The following FOXO1 variants were observed in gnomAD, a reference collection of about 807,000 sequenced individuals.
FOXO1 encodes forkhead box O1.
Under a neutral mutation model 44.1 loss-of-function variants are expected in FOXO1, and 6 were observed. The observed-to-expected ratio is 0.14, with a 90% CI of 0.07 to 0.27. FOXO1 has a LOEUF of 0.27. FOXO1 is among the 10% of genes least tolerant of loss of function. The probability of loss-of-function intolerance (pLI) is 1.00; values close to 1 mark genes in which losing one functional copy is unlikely to be tolerated. For missense variants in FOXO1, 737 were observed against 888.8 expected (o/e 0.83, Z 2.17); for synonymous variants, 380 against 362.7 (o/e 1.05, Z -0.54).
intron 1 of FOXO1, among the ~76,000 whole-genome samples, chr13:40,629,793 C>T (rs1486811811): frequency 6.6e-6 from 1 of 152,136 alleles, no homozygotes; most frequent in East Asian, 1.9e-4. Context: ...TTGTGGGCTT[C>T]GGCTAAAACC....
At chr13:40,635,241 T>C (rs1877107566) in intron 1 of FOXO1, among the ~76,000 whole-genome samples, 1 of 152,204 alleles carries the variant, frequency 6.6e-6, no homozygotes, top group African/African-American at 2.4e-5. Flanking sequence ...ATTCACTGTT[T>C]ATTCCTCCTA....
chr13:40,602,127 C>G (rs1014959242), intron 1 of FOXO1, among the ~76,000 whole-genome samples: 1 of 152,116 alleles, frequency 6.6e-6, no homozygotes, highest in Non-Finnish European at 1.5e-5. Flanking sequence ...TAGTTTTTTA[C>G]TAACTACAAA....
chr13:40,585,343 G>GCGCGCGCGCACA (rs10623475), intron 1 of FOXO1, among the ~76,000 whole-genome samples: 35 of 147,020 alleles, frequency 2.4e-4, no homozygotes, highest in African/African-American at 7.1e-4. Flanking sequence ...CTGCGCGCGC[G>GCGCGCGCGCACA]CACACACACA....
At chr13:40,615,263 G>C (rs956680320) in intron 1 of FOXO1, among the ~76,000 whole-genome samples, 1 of 152,166 alleles carries the variant, frequency 6.6e-6, no homozygotes, top group African/African-American at 2.4e-5. Context: ...GGGGCCAGAC[G>C]CAGTGGCTCA....
chr13:40,566,592 C>T (rs1031067193), intron 1 of FOXO1, among the ~76,000 whole-genome samples: 3 of 152,046 alleles, frequency 2.0e-5, no homozygotes, highest in South Asian at 4.1e-4. Flanking sequence ...GTTGGCCAGG[C>T]TGGTCTCGAA....
chr13:40,618,871 G>A (rs73467022), intron 1 of FOXO1: 140 of 527,244 alleles, frequency 2.7e-4, no homozygotes, highest in African/African-American at 2.6e-3. Flanking sequence ...ACTCGATGAA[G>A]ATTATCGGCT....
chr13:40,578,724 T>C (rs775201259), intron 1 of FOXO1, among the ~76,000 whole-genome samples: 1 of 152,256 alleles, frequency 6.6e-6, no homozygotes. Flanking sequence ...TGGGACACTC[T>C]GGCCACACAG....
At chr13:40,577,843 G>C (rs924811164) in intron 1 of FOXO1, among the ~76,000 whole-genome samples, 1 of 152,180 alleles carries the variant, frequency 6.6e-6, no homozygotes, top group African/African-American at 2.4e-5. Flanking sequence ...GATAGATCAA[G>C]GGTGATATCC....
In FOXO1 at chr13:40,617,049, A is replaced by G. The variant is rs552439212; in HGVS notation, c.630+48534T>C. Among the ~76,000 whole-genome samples, 24 of 152,350 alleles carry G rather than the reference A, an allele frequency of 1.6e-4. No homozygotes were observed. In the South Asian group the frequency reaches 5.0e-3, roughly 32 times the overall value. On this transcript the variant is annotated intron_variant, in intron 1 of 2. Transcript: ENST00000379561. ...ACTCGAAATAGAAATAACTGAACAG[A>G]TATGTTTAAATACGATACCAAAGTA...
At chr13:40,622,412 T>G (rs1651660831) in intron 1 of FOXO1, among the ~76,000 whole-genome samples, 4 of 152,186 alleles carry the variant, frequency 2.6e-5, no homozygotes, top group Admixed American at 2.6e-4. Flanking sequence ...AATCTCAGAT[T>G]TCACAACTGT....
chr13:40,620,798 G>GATTTTTTT (rs762814974), intron 1 of FOXO1, among the ~76,000 whole-genome samples: 11 of 105,520 alleles, frequency 1.0e-4, no homozygotes, highest in Admixed American at 3.7e-4. Flanking sequence ...TCTTCCCCTT[G>GATTTTTTT]CTTTTTTTTT....
intron 1 of FOXO1, among the ~76,000 whole-genome samples, chr13:40,616,383 T>TGAAG (rs1876424541): frequency 6.6e-6 from 1 of 152,060 alleles, no homozygotes; most frequent in African/African-American, 2.4e-5. Context: ...TAAAGATGTA[T>TGAAG]GAAGGACAGA....
intron 1 of FOXO1, among the ~76,000 whole-genome samples, chr13:40,615,147 C>T (rs78014923): frequency 6.6e-6 from 1 of 152,240 alleles, no homozygotes; most frequent in African/African-American, 2.4e-5. Flanking sequence ...ATGAACAAAA[C>T]AGAGGATGCT....
intron 1 of FOXO1, among the ~76,000 whole-genome samples, chr13:40,664,836 C>T (rs950089062): frequency 2.0e-5 from 3 of 151,136 alleles, no homozygotes; most frequent in Non-Finnish European, 3.0e-5. Flanking sequence ...CGCCACCGCC[C>T]GCGCCCGCCC....
intron 1 of FOXO1, among the ~76,000 whole-genome samples, chr13:40,663,527 A>T: frequency 6.6e-6 from 1 of 150,446 alleles, no homozygotes; most frequent in Non-Finnish European, 1.5e-5. Flanking sequence ...AGGGGGGAGG[A>T]TTTTTTTTTT....
chr13:40,596,998 C>G (rs1875603100), intron 1 of FOXO1, among the ~76,000 whole-genome samples: 1 of 152,214 alleles, frequency 6.6e-6, no homozygotes, highest in South Asian at 2.1e-4. Flanking sequence ...CATTCCACCT[C>G]CCTACATCAA....
intron 1 of FOXO1, among the ~76,000 whole-genome samples, chr13:40,585,859 T>C (rs1875144335): frequency 6.6e-6 from 1 of 152,208 alleles, no homozygotes; most frequent in Non-Finnish European, 1.5e-5. Context: ...ACGGTGTCTT[T>C]TGGGTCTGTT....
At chr13:40,600,410 T>A (rs952275649) in intron 1 of FOXO1, among the ~76,000 whole-genome samples, 3 of 152,146 alleles carry the variant, frequency 2.0e-5, no homozygotes, top group Non-Finnish European at 4.4e-5. Context: ...TCACATAGAT[T>A]AGTAAAAGGA....
At chr13:40,628,673 C>T (rs1345203951) in intron 1 of FOXO1, among the ~76,000 whole-genome samples, 3 of 152,228 alleles carry the variant, frequency 2.0e-5, no homozygotes, top group Non-Finnish European at 2.9e-5. Flanking sequence ...GAAATGGGGA[C>T]ATGGCCAACC....
Sources: allele counts gnomAD v4.1 joint callset (sites outside exome capture counted in the v4.1 genomes callset), GRCh38; gene constraint gnomAD v4.1.1; transcripts MANE v1.5; gene names NCBI Gene and HGNC (gene_info 2026-07-23, HGNC 2026-07-21).